PODXL: variants seen among roughly 807,000 people sequenced by gnomAD.
PODXL encodes the protein podocalyxin.
A neutral mutation model predicts 48.9 loss-of-function variants in PODXL; 20 were observed. The ratio of observed to expected loss-of-function variants is 0.41; its 90% CI spans 0.29 to 0.59. PODXL has a LOEUF of 0.59. Among genes scored for constraint, PODXL ranks in the 20% least tolerant of loss-of-function variants. The pLI is 0.31. For synonymous variants in PODXL, 295 were observed against 287.4 expected (o/e 1.03, Z -0.27); for missense variants, 606 against 675.1 (o/e 0.90, Z 1.13).
At chr7:131,525,204 T>G (rs888491024) in intron 1 of PODXL, among the ~76,000 whole-genome samples, 12 of 152,068 alleles carry the variant, frequency 7.9e-5, no homozygotes, top group Admixed American at 5.9e-4. Context: ...TTAACTTTAC[T>G]TAATGTCAAT....
At chr7:131,509,189 AGG>A in intron 4 of PODXL, 161 bp from the exon 5 acceptor site, 1 of 816,918 alleles carries the variant, frequency 1.2e-6, no homozygotes, top group Non-Finnish European at 2.1e-6. Context: ...GCGTGGCTTG[AGG>A]GCAGCTCAAG....
chr7:131,550,568 T>A (rs1798652045), intron 1 of PODXL, among the ~76,000 whole-genome samples: 1 of 151,852 alleles, frequency 6.6e-6, no homozygotes, highest in Non-Finnish European at 1.5e-5. Context: ...ATGTCTTGAA[T>A]CTGGGAGGCA....
chr7:131,524,233 C>G (rs1315930464), intron 1 of PODXL, among the ~76,000 whole-genome samples: 1 of 152,074 alleles, frequency 6.6e-6, no homozygotes, highest in African/African-American at 2.4e-5. Flanking sequence ...TAACATCATA[C>G]TTAATGGGAA....
chr7:131,524,379 C>CAGAGAGAGAGATAGAGAGAG (rs1798143698), intron 1 of PODXL, among the ~76,000 whole-genome samples: 1 of 104,052 alleles, frequency 9.6e-6, no homozygotes, highest in East Asian at 2.7e-4. Context: ...CACACACACA[C>CAGAGAGAGAGATAGAGAGAG]AGAGAGAGAG....
chr7:131,538,205 G>A (rs1402701408), intron 1 of PODXL, among the ~76,000 whole-genome samples: 1 of 152,056 alleles, frequency 6.6e-6, no homozygotes. Context: ...CCTACCCCCA[G>A]GCAGACCCTC....
At chr7:131,538,530 G>A (rs963401845) in intron 1 of PODXL, among the ~76,000 whole-genome samples, 1 of 152,118 alleles carries the variant, frequency 6.6e-6, no homozygotes, top group African/African-American at 2.4e-5. Flanking sequence ...ACAGGACCCA[G>A]CGCCTCAGCA....
rs570190995 is a variant in PODXL, at chr7:131,502,314, C to T, written c.*1997G>A. 4.6e-5 allele frequency: 7 copies of T among 152,280 alleles called. No homozygotes were observed. The East Asian group carries it at 1.4e-3, about 29-fold the overall frequency. The allele number at this position is 152,280 out of a possible 1,614,324, so 9.4% of individuals were successfully genotyped here. ...AAACAGGCACTGTTCTCCATCCTGC[C>T]CACCTCCAAACACTAGAGCATCGGG... On this transcript the variant is annotated 3_prime_UTR_variant, in exon 9 of 9. Coordinates refer to ENST00000378555, the MANE Select transcript of PODXL (RefSeq NM_001018111.3).
intron 1 of PODXL, among the ~76,000 whole-genome samples, chr7:131,541,568 C>T (rs1798482580): frequency 6.6e-6 from 1 of 151,898 alleles, no homozygotes; most frequent in African/African-American, 2.4e-5. Context: ...CGTCTCTAAT[C>T]CCGCTCCTCG....
At position 131,508,680 on chromosome 7, in the gene PODXL, G is replaced by A. The variant is rs963901656; in HGVS notation, c.1101+271C>T. On this transcript the variant is annotated intron_variant, in intron 5 of 8. Coordinates refer to ENST00000378555, the MANE Select transcript of PODXL (RefSeq NM_001018111.3). ...CCCTCAACTCAGCATACTGGAAATA[G>A]TCACACAGTGAAAGCCGAGGAAACC... Among the ~76,000 whole-genome samples, 8 of 125,944 alleles carry A rather than the reference G, an allele frequency of 6.4e-5. No homozygotes were observed. In the South Asian group the frequency reaches 1.4e-3, roughly 22 times the overall value. The allele number at this position is 125,944 out of a possible 152,430, so 82.6% of individuals were successfully genotyped here. A position where few individuals can be genotyped will look rare whatever the true frequency, so the allele number is the denominator to read the frequency against.
chr7:131,547,663 C>T (rs546333063), intron 1 of PODXL, among the ~76,000 whole-genome samples: 4 of 152,288 alleles, frequency 2.6e-5, no homozygotes, highest in South Asian at 2.1e-4. Context: ...GGAATTCTTA[C>T]GTAGAGACCT....
In PODXL at chr7:131,511,072, A is replaced by G; in HGVS notation, c.462T>C (p.Asp154=). ...NTTSSQNGAE[D]TTNSGGKSSH... ...TGCTTTTCCCCCCAGAGTTTGTTGT[A>G]TCTTCTGCTCCATTCTGGCTGCTTG... is the stretch of plus-strand genomic sequence containing the variant. The change falls in exon 2 of 9, where the codon GAT becomes GAC. Residue 154 remains aspartate (D), a synonymous_variant. Transcript: ENST00000378555. 1 of 1,613,402 alleles carries G rather than the reference A, an allele frequency of 6.2e-7. No individual in the cohort carries two copies. Among genetic ancestry groups the G allele is most frequent in the Non-Finnish European group, 8.5e-7 (1 of 1,179,962 alleles).
intron 1 of PODXL, among the ~76,000 whole-genome samples, chr7:131,553,241 C>T (rs182295412): frequency 1.0e-3 from 158 of 152,270 alleles, no homozygotes; most frequent in African/African-American, 3.7e-3. Flanking sequence ...GAAACACTGA[C>T]CCTTTTAATT....
At chr7:131,510,183 T>C in intron 3 of PODXL, 53 bp downstream of exon 3, 2 of 445,548 alleles carry the variant, frequency 4.5e-6, no homozygotes, top group South Asian at 3.2e-5. Flanking sequence ...CTCTTATAAA[T>C]AATAAGTAAG....
chr7:131,504,280 T>C lies in PODXL; in HGVS notation c.*31A>G. 1.4e-5 allele frequency: 23 copies of C among 1,595,108 alleles called. No homozygotes were observed. Among genetic ancestry groups the C allele is most frequent in the Non-Finnish European group, 2.0e-5 (23 of 1,164,104 alleles). On this transcript the variant is annotated 3_prime_UTR_variant, in exon 9 of 9. Transcript: ENST00000378555. ...TTGGGGTGGTTGGTCTGGAGCTCTG[T>C]GGTGCTGCTGGAGGCCACCGGCAGA...
At chr7:131,549,196 T>C (rs2116868524) in intron 1 of PODXL, among the ~76,000 whole-genome samples, 1 of 152,232 alleles carries the variant, frequency 6.6e-6, no homozygotes. Flanking sequence ...CCGGTAGGCC[T>C]CTTTGAGAAA....
chr7:131,519,840 A>G (rs1208123359), intron 1 of PODXL, among the ~76,000 whole-genome samples: 2 of 152,106 alleles, frequency 1.3e-5, no homozygotes, highest in African/African-American at 4.8e-5. Flanking sequence ...CTCCTACTTC[A>G]GCCTCCTGGG....
chr7:131,512,596 T>C (rs1415766666), intron 1 of PODXL, among the ~76,000 whole-genome samples: 1 of 152,064 alleles, frequency 6.6e-6, no homozygotes, highest in African/African-American at 2.4e-5. Flanking sequence ...AGGGGTCAGG[T>C]TCAGGGCTGA....
chr7:131,539,528 G>A (rs767405518), intron 1 of PODXL, among the ~76,000 whole-genome samples: 1 of 152,040 alleles, frequency 6.6e-6, no homozygotes, highest in Non-Finnish European at 1.5e-5. Flanking sequence ...ATGGGGTGTC[G>A]CCACGTTGGC....
intron 1 of PODXL, among the ~76,000 whole-genome samples, chr7:131,552,518 G>A (rs1437618658): frequency 6.6e-6 from 1 of 152,146 alleles, no homozygotes. Flanking sequence ...AAAACCAGAT[G>A]GGGGACAGCC....
Sources: gnomAD v4.1 joint callset for allele counts (sites outside exome capture counted in the v4.1 genomes callset) on GRCh38, gnomAD v4.1.1 for gene constraint, MANE v1.5 for transcripts, NCBI Gene and HGNC (gene_info 2026-07-23, HGNC 2026-07-21) for gene names.